The following DSCAM variants were observed in gnomAD, a reference collection of about 807,000 sequenced individuals.
DSCAM encodes DS cell adhesion molecule, also known as cell adhesion molecule DSCAM.
Under a neutral mutation model 217.7 loss-of-function variants are expected in DSCAM, and 47 were observed. The observed-to-expected ratio is 0.22, with a 90% CI of 0.17 to 0.28. DSCAM has a LOEUF of 0.28. Among genes scored for constraint, DSCAM ranks in the 10% least tolerant of loss-of-function variants. The probability of loss-of-function intolerance (pLI) is 1.00; values close to 1 mark genes in which losing one functional copy is unlikely to be tolerated. For synonymous variants in DSCAM, 1,056 were observed against 1,015.3 expected (o/e 1.04, Z -0.76); for missense variants, 2,080 against 2,618.3 (o/e 0.79, Z 4.49).
rs1220249509 is a variant in DSCAM at position 40,143,932 on chromosome 21, GGGTTCTCTAT to G, written c.3259+549_3259+558del. On this transcript the variant is annotated intron_variant, in intron 17 of 32. Transcript: ENST00000400454. ...TAAAACACTGTGCCTCTGGATACCAGGGTTCTCTATTTTCAAGCACTACTGGAAATTTGAG... is the reference window on the plus strand; with the variant it reads ...TAAAACACTGTGCCTCTGGATACCAGTTTCAAGCACTACTGGAAATTTGAG... Among the ~76,000 whole-genome samples, 8 of 151,670 alleles carry G rather than the reference GGGTTCTCTAT, an allele frequency of 5.3e-5. 1 individual carries two copies. Among genetic ancestry groups the G allele is most frequent in the Admixed American group, 4.6e-4 (7 of 15,284 alleles).
At chr21:40,634,799 G>A (rs932984020) in intron 3 of DSCAM, among the ~76,000 whole-genome samples, 2 of 152,176 alleles carry the variant, frequency 1.3e-5, no homozygotes, top group African/African-American at 4.8e-5. Context: ...AAGAAAGGGT[G>A]TCTTTGCACC....
At chr21:40,672,435 T>G (rs759614178) in intron 3 of DSCAM, among the ~76,000 whole-genome samples, 2 of 152,122 alleles carry the variant, frequency 1.3e-5, no homozygotes, top group Non-Finnish European at 2.9e-5. Flanking sequence ...TTATTTTGAC[T>G]AACTGGAAAT....
chr21:40,661,804 A>C (rs563966936), intron 3 of DSCAM, among the ~76,000 whole-genome samples: 130 of 152,310 alleles, frequency 8.5e-4, no homozygotes, highest in African/African-American at 3.0e-3. Context: ...AAGGGAAAAA[A>C]GGCAATATGA....
At position 40,332,456 on chromosome 21, in the gene DSCAM, A is replaced by T. The variant is rs143339618; in HGVS notation, c.1783+5645T>A. Among the ~76,000 whole-genome samples, 3 of 152,326 alleles carry T rather than the reference A, an allele frequency of 2.0e-5. No individual in the cohort carries two copies. The East Asian group carries it at 5.8e-4, about 29-fold the overall frequency. ...TATTAATTAAGGTGACACAGATGAA[A>T]GTGTTTTGTAAACTATAAAGTTTTA... On this transcript the variant is annotated intron_variant, in intron 8 of 32. Transcript: ENST00000400454.
At chr21:40,550,672 C>G (rs1601736521) in intron 3 of DSCAM, among the ~76,000 whole-genome samples, 1 of 152,110 alleles carries the variant, frequency 6.6e-6, no homozygotes, top group East Asian at 1.9e-4. Context: ...GTAGTAGTAG[C>G]TATTAAAAGA....
chr21:40,720,022 T>C (rs1035836109), intron 1 of DSCAM, among the ~76,000 whole-genome samples: 1 of 152,204 alleles, frequency 6.6e-6, no homozygotes, highest in Non-Finnish European at 1.5e-5. Context: ...AGTGATGTCT[T>C]AGAAACAAAA....
At chr21:40,339,958 T>C (rs1482719947) in intron 6 of DSCAM, among the ~76,000 whole-genome samples, 1 of 152,218 alleles carries the variant, frequency 6.6e-6, no homozygotes, top group East Asian at 1.9e-4. Flanking sequence ...CTCATCTTCA[T>C]CATTTTCTCA....
intron 4 of DSCAM, among the ~76,000 whole-genome samples, chr21:40,367,268 A>G (rs1184169143): frequency 6.6e-6 from 1 of 151,968 alleles, no homozygotes; most frequent in Non-Finnish European, 1.5e-5. Context: ...ACTACCATAA[A>G]CCCAACAGGC....
rs1368578950 is a variant in DSCAM at position 40,033,598 on chromosome 21, A to AG, written c.5686+8772dup. Among the ~76,000 whole-genome samples the AG allele has an allele frequency of 2.6e-5, 4 of 151,692 alleles. 1 individual carries two copies. The highest frequency in any genetic ancestry group is 6.5e-5 in the Admixed American group (1 of 15,280). Reference sequence around the variant, plus strand: ...TGCAAGGCGGCAGTGAGGCTGGGGGAGGGGGGCCCCCCATTGCCCAGGCTT... The same window carrying AG: ...TGCAAGGCGGCAGTGAGGCTGGGGGAGGGGGGGCCCCCCATTGCCCAGGCTT... On this transcript the variant is annotated intron_variant, in intron 32 of 32. Coordinates refer to ENST00000400454, the MANE Select transcript of DSCAM (RefSeq NM_001389.5).
chr21:40,611,144 T>C, intron 3 of DSCAM, among the ~76,000 whole-genome samples: 1 of 147,474 alleles, frequency 6.8e-6, no homozygotes, highest in Non-Finnish European at 1.5e-5. Context: ...CTGCAACCTC[T>C]GCCTCCCGGG....
At position 40,338,360 on chromosome 21, in the gene DSCAM, T is replaced by C. The variant is rs771700952; in HGVS notation, c.1524A>G (p.Arg508=). 4 of 1,613,348 alleles carry C rather than the reference T, an allele frequency of 2.5e-6. No homozygotes were observed. The highest frequency in any genetic ancestry group is 3.4e-6 in the Non-Finnish European group (4 of 1,179,302). Residue 508 remains arginine (R), a synonymous_variant, in exon 8 of 33, where the codon CGA becomes CGG. Transcript: ENST00000400454. ...CTATTGCTGTGATGTTTTTCATTGG[T>C]CGAATGCTTGCAGGCCCTGGAGAGA... ...RINVRGPASI[R]PMKNITAIAG...
chr21:40,761,900 C>A (rs2091339026), intron 1 of DSCAM, among the ~76,000 whole-genome samples: 1 of 152,110 alleles, frequency 6.6e-6, no homozygotes, highest in African/African-American at 2.4e-5. Flanking sequence ...TAACCAAGTT[C>A]TTTGAAACCC....
chr21:40,079,279 C>T (rs1014594846), intron 25 of DSCAM, among the ~76,000 whole-genome samples: 11 of 152,056 alleles, frequency 7.2e-5, no homozygotes, highest in East Asian at 1.9e-4. Context: ...CTGTGGTTTG[C>T]GGGGCAGTGT....
chr21:40,111,535 A>T (rs927421873), intron 20 of DSCAM, among the ~76,000 whole-genome samples: 1 of 152,216 alleles, frequency 6.6e-6, no homozygotes, highest in Non-Finnish European at 1.5e-5. Flanking sequence ...AGCTAACATC[A>T]TGATGACAGG....
intron 19 of DSCAM, among the ~76,000 whole-genome samples, chr21:40,127,837 CT>C (rs1381587132): frequency 6.6e-6 from 1 of 152,156 alleles, no homozygotes; most frequent in Admixed American, 6.5e-5. Context: ...GGCTCTCCCC[CT>C]GATCTGATGG....
At chr21:40,655,860 C>T (rs778501007) in intron 3 of DSCAM, among the ~76,000 whole-genome samples, 1 of 152,076 alleles carries the variant, frequency 6.6e-6, no homozygotes, top group Non-Finnish European at 1.5e-5. Flanking sequence ...TCCAGGCCAG[C>T]GTGGCAGCAT....
intron 3 of DSCAM, among the ~76,000 whole-genome samples, chr21:40,378,188 C>G (rs544881236): frequency 6.6e-6 from 1 of 152,264 alleles, no homozygotes; most frequent in African/African-American, 2.4e-5. Flanking sequence ...GTCACCTTTT[C>G]ACAAGTGAAA....
chr21:40,524,367 T>G (rs901699717), intron 3 of DSCAM, among the ~76,000 whole-genome samples: 4 of 152,148 alleles, frequency 2.6e-5, no homozygotes, highest in African/African-American at 4.8e-5. Flanking sequence ...ATGTTTTTAT[T>G]TTTAAACTTG....
intron 3 of DSCAM, among the ~76,000 whole-genome samples, chr21:40,494,531 C>T (rs916318030): frequency 2.0e-5 from 3 of 151,980 alleles, no homozygotes; most frequent in Non-Finnish European, 4.4e-5. Context: ...TTTTTTACGT[C>T]TAAATTTTAA....
Sources: allele counts gnomAD v4.1 joint callset (sites outside exome capture counted in the v4.1 genomes callset), GRCh38; gene constraint gnomAD v4.1.1; transcripts MANE v1.5; gene names NCBI Gene and HGNC (gene_info 2026-07-23, HGNC 2026-07-21).